GSG1L: variants seen among roughly 807,000 people sequenced by gnomAD.
GSG1L encodes the protein GSG1 like.
GSG1L carries 24 observed loss-of-function variants against 42.1 expected under a neutral mutation model. The observed-to-expected ratio is 0.57, with a 90% confidence interval of 0.41 to 0.80. GSG1L has a LOEUF of 0.80. Among genes scored for constraint, GSG1L ranks in the 30% least tolerant of loss-of-function variants. The pLI is 0.00. For missense variants in GSG1L, 445 were observed against 472.2 expected, an observed-to-expected ratio of 0.94 and a Z score of 0.53; for synonymous variants, 215 against 203.5, an observed-to-expected ratio of 1.06 and a Z score of -0.48.
chr16:27,873,972 AG>A (rs1156570981), intron 3 of GSG1L, among the ~76,000 whole-genome samples: 1 of 152,210 alleles, frequency 6.6e-6, no homozygotes, highest in Non-Finnish European at 1.5e-5. Flanking sequence ...AAGACTTCCC[AG>A]GCCTCTCCCT....
chr16:27,890,768 T>TG (rs1425983618), intron 2 of GSG1L, among the ~76,000 whole-genome samples: 2 of 151,992 alleles, frequency 1.3e-5, no homozygotes, highest in Non-Finnish European at 2.9e-5. Context: ...CTCAGACAGG[T>TG]GGGGGGCACT....
At chr16:27,823,159 C>T (rs771895094) in intron 5 of GSG1L, among the ~76,000 whole-genome samples, 14 of 151,998 alleles carry the variant, frequency 9.2e-5, no homozygotes, top group Non-Finnish European at 1.8e-4. Context: ...TTGGGAGGCC[C>T]GATTAAGACG....
rs117618391 is a variant in GSG1L at position 28,012,701 on chromosome 16, C to T, written c.350-49498G>A. Among the ~76,000 whole-genome samples the T allele has an allele frequency of 7.4e-3, 1,130 of 152,048 alleles. 9 individuals carry two copies. The highest frequency in any genetic ancestry group is 0.031 in the Middle Eastern group (9 of 294). On this transcript the variant is annotated intron_variant, in intron 1 of 6. Transcript: ENST00000447459. Reference sequence around the variant, plus strand: ...AAGAGTTCCAGGCCAGCCTCAGCTACACAGCAAGACCGTGTCTCTATGAAA... The same window carrying T: ...AAGAGTTCCAGGCCAGCCTCAGCTATACAGCAAGACCGTGTCTCTATGAAA...
intron 1 of GSG1L, among the ~76,000 whole-genome samples, chr16:28,048,148 A>G (rs1180075365): frequency 6.6e-6 from 1 of 152,102 alleles, no homozygotes; most frequent in Non-Finnish European, 1.5e-5. Context: ...GGATCACTTG[A>G]ACCCAGGAAG....
intron 2 of GSG1L, among the ~76,000 whole-genome samples, chr16:27,911,436 G>GC (rs2084390278): frequency 1.3e-5 from 2 of 152,008 alleles, no homozygotes. Context: ...GATTACAGGC[G>GC]CCCGCCACCA....
chr16:27,918,662 A>G (rs1721915968), intron 2 of GSG1L, among the ~76,000 whole-genome samples: 1 of 90,962 alleles, frequency 1.1e-5, no homozygotes, highest in Non-Finnish European at 2.5e-5. Context: ...CCATCTCAAA[A>G]AAAAGAAAAA....
intron 2 of GSG1L, among the ~76,000 whole-genome samples, chr16:27,928,503 G>GAAAGAAAAGA (rs200656478): frequency 3.7e-4 from 55 of 150,494 alleles, no homozygotes; most frequent in African/African-American, 1.3e-3. Context: ...CTTGTGAGTG[G>GAAAGAAAAGA]AAAGAAAAGA....
intron 2 of GSG1L, among the ~76,000 whole-genome samples, chr16:27,886,886 C>T (rs774669132): frequency 9.9e-5 from 15 of 152,186 alleles, no homozygotes; most frequent in Non-Finnish European, 2.1e-4. Flanking sequence ...GACTCAACCT[C>T]AGGACTTTTG....
chr16:27,841,388 T>C (rs2140979548), intron 4 of GSG1L, among the ~76,000 whole-genome samples: 1 of 152,258 alleles, frequency 6.6e-6, no homozygotes, highest in African/African-American at 2.4e-5. Context: ...TGCAAAGGTG[T>C]CCCTCTAAGA....
intron 2 of GSG1L, among the ~76,000 whole-genome samples, chr16:27,929,351 G>T (rs1348677214): frequency 1.3e-5 from 2 of 152,112 alleles, no homozygotes; most frequent in Non-Finnish European, 2.9e-5. Context: ...CCCAGGCTTG[G>T]CCAATCAGAG....
chr16:28,046,179 C>A (rs533085806), intron 1 of GSG1L, among the ~76,000 whole-genome samples: 50 of 151,948 alleles, frequency 3.3e-4, no homozygotes, highest in Non-Finnish European at 6.8e-4. Context: ...TCACCAGATG[C>A]CAAAAAACAT....
chr16:27,869,073 A>G (rs4787435), intron 3 of GSG1L, among the ~76,000 whole-genome samples: 92,040 of 151,654 alleles, frequency 0.61, 29,904 homozygotes, highest in African/African-American at 0.86. Flanking sequence ...CAGCCAGGAG[A>G]TGGGAGCAGG....
At chr16:27,812,797 ATTTAT>A (rs1318768113) in intron 5 of GSG1L, among the ~76,000 whole-genome samples, 2 of 151,598 alleles carry the variant, frequency 1.3e-5, no homozygotes, top group Non-Finnish European at 2.9e-5. Flanking sequence ...TTATTTATTT[ATTTAT>A]TTTTGAGACA....
intron 1 of GSG1L, among the ~76,000 whole-genome samples, chr16:28,010,028 G>A (rs2085695691): frequency 6.6e-6 from 1 of 152,176 alleles, no homozygotes; most frequent in South Asian, 2.1e-4. Flanking sequence ...ACGCTTGCAA[G>A]GTTGTATATC....
intron 5 of GSG1L, among the ~76,000 whole-genome samples, chr16:27,827,759 T>C (rs955153106): frequency 2.6e-5 from 4 of 152,110 alleles, no homozygotes; most frequent in African/African-American, 9.7e-5. Context: ...TGCCTGTCTG[T>C]CCTTCCACTC....
At chr16:28,042,361 G>A (rs144632303) in intron 1 of GSG1L, among the ~76,000 whole-genome samples, 2 of 151,528 alleles carry the variant, frequency 1.3e-5, no homozygotes, top group East Asian at 1.9e-4. Context: ...GCTTGAACCC[G>A]GGGGGCGGAG....
At chr16:27,818,978 G>A (rs1204114366) in intron 5 of GSG1L, among the ~76,000 whole-genome samples, 2 of 152,118 alleles carry the variant, frequency 1.3e-5, no homozygotes, top group South Asian at 2.1e-4. Context: ...GGCCGGGCGC[G>A]GTGGCTCACG....
chr16:27,846,472 T>C (rs1362611350), intron 3 of GSG1L, among the ~76,000 whole-genome samples: 2 of 152,220 alleles, frequency 1.3e-5, no homozygotes, highest in Non-Finnish European at 2.9e-5. Flanking sequence ...GAAGGTGGAC[T>C]TAGCCTGTTG....
Position 27,791,201 on chromosome 16 carries a change from G to A in GSG1L, c.*169C>T. ...GGCCTGCCCTGGCCCCATTTCCAAG[G>A]CCATGGGACCCAGGCAGCGATGGGC... On this transcript the variant is annotated 3_prime_UTR_variant, in exon 7 of 7. Coordinates refer to ENST00000447459, the MANE Select transcript of GSG1L (RefSeq NM_001109763.2). 1 of 418,682 alleles carries A rather than the reference G, an allele frequency of 2.4e-6. No homozygotes were observed. Among genetic ancestry groups the A allele is most frequent in the Non-Finnish European group, 4.2e-6 (1 of 239,296 alleles). The allele number at this position is 418,682 out of a possible 1,614,324, so 25.9% of individuals were successfully genotyped here.
Sources: gnomAD v4.1 joint callset for allele counts (sites outside exome capture counted in the v4.1 genomes callset) on GRCh38, gnomAD v4.1.1 for gene constraint, MANE v1.5 for transcripts, NCBI Gene and HGNC (gene_info 2026-07-23, HGNC 2026-07-21) for gene names.